The following MMAA variants were observed in gnomAD, a reference collection of about 807,000 sequenced individuals.
MMAA encodes methylmalonic aciduria type A protein, mitochondrial.
A neutral mutation model predicts 45.0 loss-of-function variants in MMAA; 41 were observed. The ratio of observed to expected loss-of-function variants is 0.91; its 90% CI spans 0.71 to 1.18. MMAA has a LOEUF of 1.18. Ranked by LOEUF, MMAA falls within the 50% of genes most tolerant of loss-of-function variation. The probability of loss-of-function intolerance (pLI) is 0.00; values close to 1 mark genes in which losing one functional copy is unlikely to be tolerated. For synonymous variants in MMAA, 154 were observed against 178.2 expected (o/e 0.86, Z 1.08); for missense variants, 460 against 495.7 (o/e 0.93, Z 0.68).
At chr4:145,624,615 ATTAC>A (rs1378893464) in intron 1 of MMAA, 15 of 1,358,442 alleles carry the variant, frequency 1.1e-5, no homozygotes, top group East Asian at 4.6e-5. Flanking sequence ...CTTTAGTTCT[ATTAC>A]TTCTTTACTA....
intron 4 of MMAA, among the ~76,000 whole-genome samples, chr4:145,647,631 T>G (rs559477458): frequency 1.3e-5 from 2 of 152,306 alleles, no homozygotes; most frequent in East Asian, 3.9e-4. Context: ...GACCTTTGTC[T>G]TGTAGATAGA....
rs766941842 is a variant in MMAA, at chr4:145,659,053, G to A, written c.*3619G>A. The A allele has an allele frequency of 2.6e-5, 4 of 152,160 alleles. No homozygotes were observed. Among genetic ancestry groups the A allele is most frequent in the Non-Finnish European group, 5.9e-5 (4 of 68,034 alleles). The allele number at this position is 152,160 out of a possible 1,614,324, so 9.4% of individuals were successfully genotyped here. On this transcript the variant is annotated 3_prime_UTR_variant, in exon 7 of 7. Coordinates refer to ENST00000649156, the MANE Select transcript of MMAA (RefSeq NM_172250.3). Reference sequence around the variant, plus strand: ...CCAACGGTAGATGTTCTCAACATTAGCGTTATTCAGGTAAGACTACAACAA... The same window carrying A: ...CCAACGGTAGATGTTCTCAACATTAACGTTATTCAGGTAAGACTACAACAA...
chr4:145,643,201 C>CTA (rs1323641741), intron 3 of MMAA, among the ~76,000 whole-genome samples: 2 of 152,114 alleles, frequency 1.3e-5, no homozygotes, highest in Non-Finnish European at 2.9e-5. Context: ...CTTCCCTTAC[C>CTA]CCTCTTTATG....
intron 1 of MMAA, chr4:145,626,171 A>G (rs1013062113): frequency 1.3e-5 from 6 of 477,618 alleles, no homozygotes; most frequent in African/African-American, 1.2e-4. Context: ...ATTTCTTCCC[A>G]TGAGAAAGCA....
intron 4 of MMAA, chr4:145,646,432 T>C: frequency 2.5e-6 from 1 of 398,446 alleles, no homozygotes; most frequent in Non-Finnish European, 4.6e-6. Flanking sequence ...ATTAGGATGA[T>C]CTGTGTAAAT....
rs183172303 is a variant in MMAA at position 145,648,814 on chromosome 4, G to A, written c.734-2248G>A. On this transcript the variant is annotated intron_variant, in intron 4 of 6. Coordinates refer to ENST00000649156, the MANE Select transcript of MMAA (RefSeq NM_172250.3). ...TCCCTGGGCAAGATGGTAAAACCCCGTCTCTACAGAAAAATAAAAAAATTA... is the reference window on the plus strand; with the variant it reads ...TCCCTGGGCAAGATGGTAAAACCCCATCTCTACAGAAAAATAAAAAAATTA... 7.2e-5 allele frequency among the ~76,000 whole-genome samples: 11 copies of A among 152,058 alleles called. No individual in the cohort carries two copies. The East Asian group carries it at 1.4e-3, about 19-fold the overall frequency.
rs1728281398 is a variant in MMAA at position 145,658,052 on chromosome 4, C to G, written c.*2618C>G. On this transcript the variant is annotated 3_prime_UTR_variant, in exon 7 of 7. Transcript: ENST00000649156. ...TAAAAGTGTGTGGCATCTCCCCATC[C>G]CTCACTCTATCACTTGCTCCTACTT... The G allele has an allele frequency of 6.6e-6, 1 of 152,110 alleles. No homozygotes were observed. Among genetic ancestry groups the G allele is most frequent in the South Asian group, 2.1e-4 (1 of 4,826 alleles). The allele number at this position is 152,110 out of a possible 1,614,324, so 9.4% of individuals were successfully genotyped here. A position where few individuals can be genotyped will look rare whatever the true frequency, so the allele number is the denominator to read the frequency against.
chr4:145,625,602 G>C lies in MMAA; in HGVS notation c.-66+6195G>C, dbSNP rs1734183892. On this transcript the variant is annotated intron_variant, in intron 1 of 6. Coordinates refer to ENST00000649156, the MANE Select transcript of MMAA (RefSeq NM_172250.3). ...TATGGTGATGGTCTGGCACAGAGCA[G>C]TTGTGTCAGCTTCAAAGAGTAGGAC... 1.6e-5 allele frequency: 13 copies of C among 804,700 alleles called. No homozygotes were observed. The East Asian group carries it at 3.2e-4, about 20-fold the overall frequency. The allele number at this position is 804,700 out of a possible 1,614,324, so 49.8% of individuals were successfully genotyped here. A position where few individuals can be genotyped will look rare whatever the true frequency, so the allele number is the denominator to read the frequency against.
At chr4:145,652,243 T>C (rs1728114524) in intron 5 of MMAA, among the ~76,000 whole-genome samples, 3 of 152,110 alleles carry the variant, frequency 2.0e-5, no homozygotes, top group Non-Finnish European at 4.4e-5. Flanking sequence ...CCCTGAGCTT[T>C]AGTGTCCCAA....
chr4:145,640,224 T>A (rs568101780), intron 2 of MMAA, among the ~76,000 whole-genome samples: 1 of 152,246 alleles, frequency 6.6e-6, no homozygotes, highest in South Asian at 2.1e-4. Context: ...GCAGTTCTCC[T>A]GCCTCAGCCT....
intron 1 of MMAA, among the ~76,000 whole-genome samples, chr4:145,628,230 T>G (rs1734244648): frequency 6.6e-6 from 1 of 152,248 alleles, no homozygotes; most frequent in South Asian, 2.1e-4. Flanking sequence ...AAGATTTTTT[T>G]GGTTACTTTT....
chr4:145,655,049 T>G (rs1167126275), intron 6 of MMAA, 98 bp from the exon 7 acceptor site: 1 of 1,322,898 alleles, frequency 7.6e-7, no homozygotes, highest in Non-Finnish European at 1.1e-6. Flanking sequence ...TTGCCTATTT[T>G]TGTAGACCGT....
chr4:145,642,570 C>A, intron 3 of MMAA, 85 bp downstream of exon 3: 1 of 1,567,824 alleles, frequency 6.4e-7, no homozygotes, highest in Non-Finnish European at 8.7e-7. Flanking sequence ...GTTGGGTGAC[C>A]TCTAACTGCT....
intron 3 of MMAA, among the ~76,000 whole-genome samples, chr4:145,643,290 G>T (rs1042972501): frequency 2.0e-5 from 3 of 152,124 alleles, no homozygotes; most frequent in Non-Finnish European, 2.9e-5. Context: ...GTACATGGAA[G>T]GTTCTTAAAC....
intron 1 of MMAA, chr4:145,624,734 C>T: frequency 3.8e-6 from 6 of 1,590,004 alleles, no homozygotes; most frequent in Non-Finnish European, 5.2e-6. Flanking sequence ...TCAGAAGCCA[C>T]TTATACAGAG....
intron 3 of MMAA, among the ~76,000 whole-genome samples, chr4:145,645,246 T>C (rs1031515421): frequency 1.3e-5 from 2 of 152,202 alleles, no homozygotes; most frequent in East Asian, 1.9e-4. Context: ...AGTTCTCTTA[T>C]GCCCTCCAGG....
intron 1 of MMAA, among the ~76,000 whole-genome samples, chr4:145,621,936 A>AG (rs1339448017): frequency 6.6e-6 from 1 of 152,246 alleles, no homozygotes; most frequent in African/African-American, 2.4e-5. Flanking sequence ...TGTAAAATCT[A>AG]GAAAAAAATG....
intron 4 of MMAA, 102 bp downstream of exon 4, chr4:145,646,258 T>C (rs1578882219): frequency 7.5e-6 from 10 of 1,337,064 alleles, no homozygotes; most frequent in Middle Eastern, 3.7e-4. Flanking sequence ...ATTTGCTAAA[T>C]GTATAATTAA....
chr4:145,628,884 A>ATG (rs1053561988), intron 1 of MMAA, among the ~76,000 whole-genome samples: 9 of 151,842 alleles, frequency 5.9e-5, no homozygotes, highest in East Asian at 1.9e-4. Context: ...TAGTTATTCT[A>ATG]TGTGTGTGTG....
Sources: gnomAD v4.1 joint callset for allele counts (sites outside exome capture counted in the v4.1 genomes callset) on GRCh38, gnomAD v4.1.1 for gene constraint, MANE v1.5 for transcripts, NCBI Gene and HGNC (gene_info 2026-07-23, HGNC 2026-07-21) for gene names.